SPRED2: variants seen among roughly 807,000 people sequenced by gnomAD.
The protein encoded by SPRED2 is sprouty-related, EVH1 domain-containing protein 2.
A neutral mutation model predicts 43.0 loss-of-function variants in SPRED2; 47 were observed. The ratio of observed to expected loss-of-function variants is 1.09; its 90% CI spans 0.87 to 1.40. The LOEUF is 1.40. SPRED2 is among the 40% of genes most tolerant of loss of function. The pLI is 0.00. For missense variants in SPRED2, 561 were observed against 586.4 expected, an observed-to-expected ratio of 0.96 and a Z score of 0.45; for synonymous variants, 225 against 225.7, an observed-to-expected ratio of 1.00 and a Z score of 0.03.
intron 1 of SPRED2, among the ~76,000 whole-genome samples, chr2:65,355,830 G>C (rs545709508): frequency 6.6e-6 from 1 of 152,074 alleles, no homozygotes; most frequent in Non-Finnish European, 1.5e-5. Context: ...CCGAAGAAAC[G>C]TTTCTTCTAC....
At chr2:65,375,765 G>A (rs1675223945) in intron 1 of SPRED2, among the ~76,000 whole-genome samples, 1 of 152,094 alleles carries the variant, frequency 6.6e-6, no homozygotes, top group South Asian at 2.1e-4. Context: ...TCATTCTCAC[G>A]GTTCTTTGTT....
chr2:65,370,265 C>T (rs1312184913), intron 1 of SPRED2, among the ~76,000 whole-genome samples: 1 of 152,164 alleles, frequency 6.6e-6, no homozygotes, highest in Non-Finnish European at 1.5e-5. Context: ...TGCGACCATT[C>T]GCAACAAGTA....
At chr2:65,395,078 G>A (rs558762203) in intron 1 of SPRED2, among the ~76,000 whole-genome samples, 88 of 152,078 alleles carry the variant, frequency 5.8e-4, no homozygotes, top group African/African-American at 2.1e-3. Context: ...AGGTAACTCC[G>A]CCCGAGGTAT....
chr2:65,375,678 T>C (rs1053721218), intron 1 of SPRED2, among the ~76,000 whole-genome samples: 2 of 152,228 alleles, frequency 1.3e-5, no homozygotes, highest in African/African-American at 2.4e-5. Context: ...AAGGTACATT[T>C]GTGGCAGAGC....
chr2:65,383,823 T>C (rs1388246728), intron 1 of SPRED2, among the ~76,000 whole-genome samples: 2 of 152,188 alleles, frequency 1.3e-5, no homozygotes, highest in African/African-American at 2.4e-5. Context: ...AGCCTCAAAC[T>C]CAGAGGAAAT....
chr2:65,418,275 G>C (rs1181078627), intron 1 of SPRED2, among the ~76,000 whole-genome samples: 4 of 152,036 alleles, frequency 2.6e-5, no homozygotes, highest in Admixed American at 2.6e-4. Context: ...TGTCAGCCTG[G>C]CTGGTACTCA....
intron 1 of SPRED2, among the ~76,000 whole-genome samples, chr2:65,422,320 AG>A (rs1676448531): frequency 6.6e-6 from 1 of 152,020 alleles, no homozygotes; most frequent in African/African-American, 2.4e-5. Flanking sequence ...AGCAGGAAGG[AG>A]GGGAAGAAAA....
chr2:65,420,725 C>T (rs1676402335), intron 1 of SPRED2, among the ~76,000 whole-genome samples: 1 of 152,216 alleles, frequency 6.6e-6, no homozygotes, highest in Non-Finnish European at 1.5e-5. Context: ...CAAGCTACAA[C>T]CAACTCCCGC....
At chr2:65,360,044 G>A (rs1478636126) in intron 1 of SPRED2, among the ~76,000 whole-genome samples, 63 of 116,046 alleles carry the variant, frequency 5.4e-4, no homozygotes, top group African/African-American at 9.0e-4. Flanking sequence ...CAACCTGGGC[G>A]ACAGAGCGAG....
At chr2:65,342,277 CGT>C in intron 2 of SPRED2, among the ~76,000 whole-genome samples, 1 of 132,092 alleles carries the variant, frequency 7.6e-6, no homozygotes, top group Non-Finnish European at 1.6e-5. Flanking sequence ...ATTTTGTATA[CGT>C]ATATTATGTA....
chr2:65,312,599 T>C lies in SPRED2; in HGVS notation c.*902A>G, dbSNP rs1030279763. 2 of 985,688 alleles carry C rather than the reference T, an allele frequency of 2.0e-6. No homozygotes were observed. The highest frequency in any genetic ancestry group is 1.7e-5 in the African/African-American group (1 of 57,248). The allele number at this position is 985,688 out of a possible 1,614,324, so 61.1% of individuals were successfully genotyped here. On this transcript the variant is annotated 3_prime_UTR_variant, in exon 6 of 6. Transcript: ENST00000356388. ...AAAATTTCTTACTTCACTAGTATCC[T>C]ATTCTAATATTGCTAAATTTTTAGA...
intron 1 of SPRED2, among the ~76,000 whole-genome samples, chr2:65,421,036 T>C (rs557246265): frequency 5.6e-4 from 86 of 152,348 alleles, no homozygotes; most frequent in Middle Eastern, 3.4e-3. Context: ...TTTCCGTGCA[T>C]ACATGACTGA....
chr2:65,426,870 G>T (rs1335971163), intron 1 of SPRED2, among the ~76,000 whole-genome samples: 1 of 152,222 alleles, frequency 6.6e-6, no homozygotes, highest in Non-Finnish European at 1.5e-5. Context: ...ACCAGCTTTA[G>T]TTAGAAAGGA....
rs569953136 is a variant in SPRED2, at chr2:65,366,625, C to T, written c.27-21729G>A. On this transcript the variant is annotated intron_variant, in intron 1 of 5. Transcript: ENST00000356388. ...ATGCCATTTCCTCTACATTGTGGAG[C>T]CCGAGTGCTGGGTATTAGCATTATT... 14 of 1,553,060 alleles carry T rather than the reference C, an allele frequency of 9.0e-6. No individual in the cohort carries two copies. In the South Asian group the frequency reaches 1.5e-4, roughly 17 times the overall value.
At chr2:65,412,673 A>AC (rs892848708) in intron 1 of SPRED2, among the ~76,000 whole-genome samples, 14 of 151,500 alleles carry the variant, frequency 9.2e-5, no homozygotes, top group African/African-American at 2.7e-4. Flanking sequence ...CAGTTTGAAG[A>AC]CCCCCCACCC....
intron 3 of SPRED2, among the ~76,000 whole-genome samples, chr2:65,332,817 C>T (rs974663133): frequency 6.6e-6 from 1 of 152,172 alleles, no homozygotes; most frequent in South Asian, 2.1e-4. Context: ...CTACTTCCCC[C>T]CACCACCCTG....
At chr2:65,323,614 C>A (rs568819603) in intron 4 of SPRED2, among the ~76,000 whole-genome samples, 1 of 151,348 alleles carries the variant, frequency 6.6e-6, no homozygotes, top group Non-Finnish European at 1.5e-5. Context: ...CGGTGACTCA[C>A]GCCTGTAATC....
At chr2:65,423,001 C>T (rs1676468954) in intron 1 of SPRED2, among the ~76,000 whole-genome samples, 1 of 152,184 alleles carries the variant, frequency 6.6e-6, no homozygotes, top group East Asian at 1.9e-4. Flanking sequence ...TATAGTCACA[C>T]TTACGCTGCT....
chr2:65,356,180 C>T (rs888408636), intron 1 of SPRED2, among the ~76,000 whole-genome samples: 2 of 152,106 alleles, frequency 1.3e-5, no homozygotes, highest in South Asian at 2.1e-4. Flanking sequence ...ATAACCCACC[C>T]GTTGAAATGT....
Sources: gnomAD v4.1 joint callset for allele counts (sites outside exome capture counted in the v4.1 genomes callset) on GRCh38, gnomAD v4.1.1 for gene constraint, MANE v1.5 for transcripts, NCBI Gene and HGNC (gene_info 2026-07-23, HGNC 2026-07-21) for gene names.